ANKS1B: variants seen among roughly 807,000 people sequenced by gnomAD.
ANKS1B encodes the protein ankyrin repeat and sterile alpha motif domain-containing protein 1B.
ANKS1B carries 36 observed loss-of-function variants against 148.3 expected under a neutral mutation model. The ratio of observed to expected loss-of-function variants is 0.24; its 90% CI spans 0.19 to 0.32. The LOEUF (loss-of-function observed/expected upper bound fraction) is 0.32. Among genes scored for constraint, ANKS1B ranks in the 10% least tolerant of loss-of-function variants. ANKS1B has a pLI of 1.00. For synonymous variants in ANKS1B, 542 were observed against 560.8 expected, an observed-to-expected ratio of 0.97 and a Z score of 0.47; for missense variants, 1,157 against 1,542.6, an observed-to-expected ratio of 0.75 and a Z score of 4.19.
At chr12:99,010,760 A>ATTT (rs970348105) in intron 17 of ANKS1B, among the ~76,000 whole-genome samples, 17 of 132,682 alleles carry the variant, frequency 1.3e-4, no homozygotes, top group Admixed American at 4.8e-4. Context: ...TATTATTATT[A>ATTT]TTTTTTTTTG....
intron 9 of ANKS1B, among the ~76,000 whole-genome samples, chr12:99,596,906 C>T (rs2097762684): frequency 6.6e-6 from 1 of 151,850 alleles, no homozygotes; most frequent in Non-Finnish European, 1.5e-5. Context: ...GGAGAGGATA[C>T]TGATGAGCAA....
At chr12:99,678,100 C>T (rs934225630) in intron 8 of ANKS1B, among the ~76,000 whole-genome samples, 4 of 152,268 alleles carry the variant, frequency 2.6e-5, no homozygotes, top group South Asian at 2.1e-4. Flanking sequence ...GTGTACCTTA[C>T]GAGAGACAAC....
intron 9 of ANKS1B, among the ~76,000 whole-genome samples, chr12:99,572,175 T>C (rs545054085): frequency 1.1e-4 from 17 of 152,174 alleles, no homozygotes; most frequent in African/African-American, 3.9e-4. Context: ...ACAGCTATTA[T>C]ATTCCAAGAT....
intron 12 of ANKS1B, among the ~76,000 whole-genome samples, chr12:99,391,569 T>C (rs1298379737): frequency 1.3e-5 from 2 of 152,214 alleles, no homozygotes; most frequent in Admixed American, 1.3e-4. Context: ...CACAGCACTT[T>C]CTCATGGCAC....
intron 1 of ANKS1B, among the ~76,000 whole-genome samples, chr12:99,910,110 C>G (rs1009655650): frequency 1.3e-5 from 2 of 152,036 alleles, no homozygotes; most frequent in African/African-American, 4.8e-5. Context: ...TGGTGGCTCA[C>G]GCCTGTAATC....
At chr12:98,957,798 A>G (rs944551415) in intron 17 of ANKS1B, among the ~76,000 whole-genome samples, 11 of 152,166 alleles carry the variant, frequency 7.2e-5, no homozygotes, top group Non-Finnish European at 1.6e-4. Flanking sequence ...GGGGACTGAT[A>G]AAGATGTGGG....
At chr12:99,122,194 A>T (rs1286697845) in intron 15 of ANKS1B, among the ~76,000 whole-genome samples, 2 of 152,174 alleles carry the variant, frequency 1.3e-5, no homozygotes, top group African/African-American at 4.8e-5. Context: ...GAAAAATAAT[A>T]TATTTGAATT....
chr12:99,677,770 G>A (rs1291592086), intron 8 of ANKS1B, among the ~76,000 whole-genome samples: 2 of 152,000 alleles, frequency 1.3e-5, no homozygotes, highest in Non-Finnish European at 2.9e-5. Context: ...TCAGGAGATC[G>A]AGACCAGCCT....
At chr12:99,450,505 C>T (rs1194511434) in intron 10 of ANKS1B, among the ~76,000 whole-genome samples, 1 of 152,158 alleles carries the variant, frequency 6.6e-6, no homozygotes, top group Admixed American at 6.5e-5. Context: ...TCCCTGCAAA[C>T]TGTAAGCCAA....
intron 17 of ANKS1B, among the ~76,000 whole-genome samples, chr12:99,023,884 TA>T (rs1434143709): frequency 7.4e-5 from 11 of 149,586 alleles, no homozygotes; most frequent in Non-Finnish European, 1.5e-4. Context: ...TGTGTATTTA[TA>T]TGCATATTGC....
intron 9 of ANKS1B, among the ~76,000 whole-genome samples, chr12:99,632,475 A>G (rs1395260955): frequency 6.6e-6 from 1 of 151,840 alleles, no homozygotes; most frequent in African/African-American, 2.4e-5. Flanking sequence ...CCAAAATGCC[A>G]GAACTATACA....
chr12:99,224,559 T>C (rs572361671), intron 14 of ANKS1B, among the ~76,000 whole-genome samples: 4 of 152,284 alleles, frequency 2.6e-5, no homozygotes, highest in Admixed American at 6.5e-5. Context: ...GCTTCTGCTT[T>C]GCCTTCCGTC....
chr12:98,859,816 C>A (rs574473233), intron 17 of ANKS1B, among the ~76,000 whole-genome samples: 1 of 152,100 alleles, frequency 6.6e-6, no homozygotes, highest in Non-Finnish European at 1.5e-5. Context: ...AAATTTTTGG[C>A]CTTTTGGGAG....
At chr12:99,683,776 C>T (rs900942996) in intron 8 of ANKS1B, among the ~76,000 whole-genome samples, 6 of 152,020 alleles carry the variant, frequency 3.9e-5, no homozygotes, top group Non-Finnish European at 8.8e-5. Context: ...GGTAATCCAC[C>T]ATGATCAAGT....
At chr12:99,729,520 T>C (rs1221993497) in intron 8 of ANKS1B, among the ~76,000 whole-genome samples, 1 of 152,174 alleles carries the variant, frequency 6.6e-6, no homozygotes, top group African/African-American at 2.4e-5. Flanking sequence ...TCTATTGATA[T>C]TCTCTATTTG....
chr12:99,386,441 T>C (rs2093861748), intron 12 of ANKS1B: 1 of 151,944 alleles, frequency 6.6e-6, no homozygotes, highest in Admixed American at 6.6e-5. Context: ...AAATGGCTCC[T>C]GTAGAAAGTA....
At chr12:99,746,120 GC>G (rs1224607999) in intron 8 of ANKS1B, among the ~76,000 whole-genome samples, 2 of 152,128 alleles carry the variant, frequency 1.3e-5, no homozygotes, top group African/African-American at 4.8e-5. Flanking sequence ...TTAAACCAGG[GC>G]CGTGTAACTC....
chr12:99,121,238 T>A (rs1455424592), intron 15 of ANKS1B, among the ~76,000 whole-genome samples: 1 of 151,476 alleles, frequency 6.6e-6, no homozygotes, highest in Admixed American at 6.6e-5. Flanking sequence ...GCTGAAGAGT[T>A]GAGTTGGAAT....
rs553533415 is a variant in ANKS1B, at chr12:99,887,842, C to T, written c.135-62453G>A. Reference sequence around the variant, plus strand: ...CATAGTGGACAGATTAGTCCCCATGCCTACTATTCCCAGTACCTCGGTCTA... The same window carrying T: ...CATAGTGGACAGATTAGTCCCCATGTCTACTATTCCCAGTACCTCGGTCTA... On this transcript the variant is annotated intron_variant, in intron 1 of 26. Transcript: ENST00000683438. Among the ~76,000 whole-genome samples the T allele has an allele frequency of 2.3e-3, 344 of 152,282 alleles. 3 individuals are homozygous for T. Among genetic ancestry groups the T allele is most frequent in the Middle Eastern group, 0.01 (3 of 294 alleles).
Sources: gnomAD v4.1 joint callset for allele counts (sites outside exome capture counted in the v4.1 genomes callset) on GRCh38, gnomAD v4.1.1 for gene constraint, MANE v1.5 for transcripts, NCBI Gene and HGNC (gene_info 2026-07-23, HGNC 2026-07-21) for gene names.